The following TRAPPC10 variants were observed in gnomAD, a reference collection of about 807,000 sequenced individuals.
The protein encoded by TRAPPC10 is trafficking protein particle complex subunit 10.
In TRAPPC10, 23 loss-of-function variants were observed where a neutral mutation model predicts 125.5. The observed-to-expected ratio is 0.18, with a 90% CI of 0.13 to 0.26. The LOEUF (loss-of-function observed/expected upper bound fraction) is 0.26, where lower values mean the gene tolerates loss of function less well. Among genes scored for constraint, TRAPPC10 ranks in the 10% least tolerant of loss-of-function variants. The probability of loss-of-function intolerance (pLI) is 1.00; values close to 1 mark genes in which losing one functional copy is unlikely to be tolerated. For missense variants in TRAPPC10, 1,123 were observed against 1,308.4 expected (o/e 0.86, Z 2.19); for synonymous variants, 509 against 518.0 (o/e 0.98, Z 0.24).
intron 2 of TRAPPC10, among the ~76,000 whole-genome samples, chr21:44,037,349 T>G (rs193056747): frequency 1.3e-5 from 2 of 152,354 alleles, no homozygotes; most frequent in East Asian, 3.9e-4. Context: ...GCCAAATAAC[T>G]TTGTTTCTTG....
chr21:44,092,166 T>A, intron 19 of TRAPPC10, 117 bp downstream of exon 19: 1 of 1,331,386 alleles, frequency 7.5e-7, no homozygotes, highest in Non-Finnish European at 1.0e-6. Context: ...TGCTGATGAG[T>A]AAAGGCTCCT....
intron 3 of TRAPPC10, among the ~76,000 whole-genome samples, chr21:44,049,787 A>G (rs1401923974): frequency 6.6e-6 from 1 of 151,966 alleles, no homozygotes; most frequent in Non-Finnish European, 1.5e-5. Context: ...TTGGAGCTGG[A>G]GCCTTCCCCT....
chr21:44,068,483 A>G (rs2036615016), intron 7 of TRAPPC10, among the ~76,000 whole-genome samples: 1 of 152,200 alleles, frequency 6.6e-6, no homozygotes, highest in Non-Finnish European at 1.5e-5. Flanking sequence ...GTAGGGAGCC[A>G]TGAAAGGTTA....
intron 2 of TRAPPC10, among the ~76,000 whole-genome samples, chr21:44,035,141 G>A (rs1416631765): frequency 2.0e-5 from 3 of 152,212 alleles, no homozygotes; most frequent in Admixed American, 6.5e-5. Flanking sequence ...TTCTGCCCTC[G>A]TGAGTGGATT....
At chr21:44,089,729 T>C (rs1247233585) in intron 17 of TRAPPC10, 104 bp from the exon 18 acceptor site, 3 of 795,100 alleles carry the variant, frequency 3.8e-6, no homozygotes, top group Admixed American at 2.0e-5. Flanking sequence ...TAATAAAATG[T>C]CTAGGGCGTG....
chr21:44,077,907 C>A, intron 11 of TRAPPC10, 123 bp downstream of exon 11: 2 of 586,670 alleles, frequency 3.4e-6, no homozygotes, highest in Non-Finnish European at 2.7e-6. Flanking sequence ...GATTCTCTTA[C>A]CCAGTCCTCA....
rs111838343 is a variant in TRAPPC10 at position 44,062,564 on chromosome 21, A to G, written c.791-974A>G. 7,271 of 984,840 alleles carry G rather than the reference A, an allele frequency of 7.4e-3. 28 individuals are homozygous for G. Among genetic ancestry groups the G allele is most frequent in the Non-Finnish European group, 8.4e-3 (6,978 of 829,372 alleles). The allele number at this position is 984,840 out of a possible 1,614,324, so 61.0% of individuals were successfully genotyped here. On this transcript the variant is annotated intron_variant, in intron 6 of 22. Coordinates refer to ENST00000291574, the MANE Select transcript of TRAPPC10 (RefSeq NM_003274.5). ...GTGGGAGGGGAGCCTAGCCAAGGGA[A>G]CTGCTGGTACAGGGCTGGGCTGGTA...
intron 3 of TRAPPC10, among the ~76,000 whole-genome samples, chr21:44,041,260 G>A (rs897877518): frequency 2.6e-5 from 4 of 152,140 alleles, no homozygotes; most frequent in Non-Finnish European, 5.9e-5. Context: ...ACTCTTTGAT[G>A]AAAATTGGTC....
intron 7 of TRAPPC10, among the ~76,000 whole-genome samples, chr21:44,068,232 G>A (rs1049878613): frequency 1.9e-4 from 29 of 152,126 alleles, no homozygotes; most frequent in African/African-American, 6.5e-4. Context: ...TAGAATTCCT[G>A]GCCTTATGAA....
intron 1 of TRAPPC10, among the ~76,000 whole-genome samples, chr21:44,025,113 C>A (rs559076238): frequency 2.6e-5 from 4 of 152,320 alleles, no homozygotes; most frequent in Admixed American, 2.6e-4. Flanking sequence ...CACAGATAGC[C>A]TGTCTGTGGC....
At chr21:44,061,455 G>GA (rs981412446) in intron 6 of TRAPPC10, among the ~76,000 whole-genome samples, 1 of 150,906 alleles carries the variant, frequency 6.6e-6, no homozygotes, top group Admixed American at 6.6e-5. Context: ...TTTTAGTAGA[G>GA]TTGGGGTTTC....
chr21:44,095,875 C>T (rs1262002182), intron 20 of TRAPPC10, among the ~76,000 whole-genome samples: 5 of 151,312 alleles, frequency 3.3e-5, no homozygotes, highest in Admixed American at 6.6e-5. Context: ...GCCCAAAGTA[C>T]GGGTTTGTAT....
chr21:44,058,937 G>A (rs903185036), intron 5 of TRAPPC10, among the ~76,000 whole-genome samples, 166 bp from the exon 6 acceptor site: 7 of 152,254 alleles, frequency 4.6e-5, no homozygotes, highest in Non-Finnish European at 7.3e-5. Flanking sequence ...TTGTGCATGC[G>A]TGAATGTTGA....
chr21:44,021,984 CA>C (rs990757241), intron 1 of TRAPPC10, among the ~76,000 whole-genome samples: 1 of 151,126 alleles, frequency 6.6e-6, no homozygotes, highest in Non-Finnish European at 1.5e-5. Context: ...AGAGAGAAAA[CA>C]AAAAACTGTT....
At chr21:44,079,396 A>G (rs1025739606) in intron 11 of TRAPPC10, 168 bp from the exon 12 acceptor site, 2 of 631,132 alleles carry the variant, frequency 3.2e-6, no homozygotes, top group African/African-American at 3.8e-5. Context: ...CGTCCTGAGT[A>G]GGTACTCTTT....
At position 44,063,428 on chromosome 21, in the gene TRAPPC10, A is replaced by G. The variant is rs1258886707; in HGVS notation, c.791-110A>G. On this transcript the variant is annotated intron_variant, in intron 6 of 22. Coordinates refer to ENST00000291574, the MANE Select transcript of TRAPPC10 (RefSeq NM_003274.5). The surrounding 1 kb of genome is among the most constrained non-coding windows in gnomAD (Gnocchi z 4.4). ...ACAGGGGGTGGGCCAGTGTTCATAG[A>G]AAAACTGGTTATGAAGCTGCCTGTT... 6.7e-7 allele frequency: 1 copy of G among 1,483,658 alleles called. No homozygotes were observed. Among genetic ancestry groups the G allele is most frequent in the Non-Finnish European group, 9.1e-7 (1 of 1,099,500 alleles). The allele number at this position is 1,483,658 out of a possible 1,614,324, so 91.9% of individuals were successfully genotyped here.
chr21:44,040,694 T>C (rs1447361089), intron 3 of TRAPPC10, among the ~76,000 whole-genome samples: 1 of 151,816 alleles, frequency 6.6e-6, no homozygotes, highest in Admixed American at 6.6e-5. Flanking sequence ...CGATCTTGGT[T>C]CACTGCAACC....
rs762278335 is a variant in TRAPPC10, at chr21:44,077,687, C to T, written c.1378-6C>T. The T allele has an allele frequency of 5.7e-6, 9 of 1,592,150 alleles. No homozygotes were observed. The East Asian group carries it at 1.6e-4, about 28-fold the overall frequency. On this transcript the variant is annotated splice_polypyrimidine_tract_variant and splice_region_variant and intron_variant, in intron 10 of 22. Coordinates refer to ENST00000291574, the MANE Select transcript of TRAPPC10 (RefSeq NM_003274.5). Reference sequence around the variant, plus strand: ...AGTACATAATTGTGTTTTTACTTCCCCACAGGATTTGTCCCATGCCACCAT... The same window carrying T: ...AGTACATAATTGTGTTTTTACTTCCTCACAGGATTTGTCCCATGCCACCAT...
At chr21:44,020,744 A>G (rs1446757396) in intron 1 of TRAPPC10, among the ~76,000 whole-genome samples, 1 of 152,174 alleles carries the variant, frequency 6.6e-6, no homozygotes, top group Non-Finnish European at 1.5e-5. Flanking sequence ...GTAGCTTGCC[A>G]TTTGTGGGCA....
Sources: gnomAD v4.1 joint callset for allele counts (sites outside exome capture counted in the v4.1 genomes callset) on GRCh38, gnomAD v4.1.1 for gene constraint, Gnocchi (gnomAD v3.1) non-coding constraint, MANE v1.5 for transcripts, NCBI Gene and HGNC (gene_info 2026-07-23, HGNC 2026-07-21) for gene names.